Variants in SNTG1 observed in about 807,000 individuals in gnomAD.
SNTG1 encodes gamma-1-syntrophin.
A neutral mutation model predicts 74.7 loss-of-function variants in SNTG1; 39 were observed. The ratio of observed to expected loss-of-function variants is 0.52; its 90% CI spans 0.40 to 0.68. The LOEUF (loss-of-function observed/expected upper bound fraction) is 0.68, where lower values mean the gene tolerates loss of function less well. SNTG1 is among the 30% of genes least tolerant of loss of function. SNTG1 has a pLI of 0.00. For synonymous variants in SNTG1, 254 were observed against 217.1 expected, an observed-to-expected ratio of 1.17 and a Z score of -1.49; for missense variants, 685 against 609.5, an observed-to-expected ratio of 1.12 and a Z score of -1.30.
intron 1 of SNTG1, among the ~76,000 whole-genome samples, chr8:50,003,886 T>C (rs1036301883): frequency 2.0e-5 from 3 of 152,176 alleles, no homozygotes; most frequent in African/African-American, 7.2e-5. Context: ...AGTCTGTTAC[T>C]GGCCCAAAAC....
At chr8:50,326,189 A>G (rs10087774) in intron 2 of SNTG1, among the ~76,000 whole-genome samples, 9,920 of 151,940 alleles carry the variant, frequency 0.065, 352 homozygotes, top group African/African-American at 0.072. Flanking sequence ...TATTGTTTTT[A>G]TATTAGTGTA....
chr8:50,656,786 G>C, intron 13 of SNTG1, 123 bp from the exon 14 acceptor site: 1 of 641,986 alleles, frequency 1.6e-6, no homozygotes, highest in Admixed American at 3.2e-5. Flanking sequence ...AATTTTATGT[G>C]AGTTTTTAAT....
intron 8 of SNTG1, among the ~76,000 whole-genome samples, chr8:50,452,582 T>C (rs1442315214): frequency 6.6e-6 from 1 of 152,202 alleles, no homozygotes; most frequent in African/African-American, 2.4e-5. Context: ...AACAGATTAG[T>C]GCAGCATGAA....
rs202015879 is a variant in SNTG1 at position 50,632,292 on chromosome 8, T to TATTC, written c.850-24614_850-24613insCATT. Among the ~76,000 whole-genome samples the TATTC allele has an allele frequency of 2.6e-3, 386 of 148,422 alleles. 2 individuals carry two copies. Among genetic ancestry groups the TATTC allele is most frequent in the African/African-American group, 7.5e-3 (301 of 39,908 alleles). On this transcript the variant is annotated intron_variant, in intron 13 of 18. Coordinates refer to ENST00000642720, the MANE Select transcript of SNTG1 (RefSeq NM_018967.5). Reference sequence around the variant, plus strand: ...TTTTAATAGTCTTTTTAATTTTATTTATTTATTTATTTATTTATTTATTTA... The same window carrying TATTC: ...TTTTAATAGTCTTTTTAATTTTATTTATTCATTTATTTATTTATTTATTTATTTA...
At chr8:50,548,900 C>A in intron 11 of SNTG1, among the ~76,000 whole-genome samples, 1 of 152,140 alleles carries the variant, frequency 6.6e-6, no homozygotes, top group Non-Finnish European at 1.5e-5. Flanking sequence ...AAAATACAGC[C>A]TGAGGTGTGC....
intron 8 of SNTG1, among the ~76,000 whole-genome samples, chr8:50,464,843 T>C (rs1035506844): frequency 6.6e-6 from 1 of 151,648 alleles, no homozygotes; most frequent in East Asian, 1.9e-4. Context: ...TTAAATAATA[T>C]CTGAAAAAAG....
chr8:50,431,085 T>C (rs1393813444), intron 4 of SNTG1, among the ~76,000 whole-genome samples: 4 of 152,144 alleles, frequency 2.6e-5, no homozygotes, highest in African/African-American at 9.7e-5. Flanking sequence ...TAACATACAT[T>C]CGTAATGTAG....
chr8:50,002,819 TGTAATA>T (rs1463066836), intron 1 of SNTG1, among the ~76,000 whole-genome samples: 2 of 152,146 alleles, frequency 1.3e-5, no homozygotes, highest in Non-Finnish European at 1.5e-5. Context: ...CAACAGAATT[TGTAATA>T]GCCAAAAAAC....
intron 1 of SNTG1, among the ~76,000 whole-genome samples, chr8:49,981,651 T>A (rs1812688801): frequency 6.6e-6 from 1 of 152,206 alleles, no homozygotes; most frequent in African/African-American, 2.4e-5. Context: ...TTATAATAAA[T>A]GAATAAAAGT....
At chr8:50,160,839 A>G (rs1327033468) in intron 1 of SNTG1, among the ~76,000 whole-genome samples, 1 of 152,166 alleles carries the variant, frequency 6.6e-6, no homozygotes, top group Non-Finnish European at 1.5e-5. Flanking sequence ...TTGGGCATAG[A>G]ACATAGACTG....
At chr8:50,215,995 T>G (rs2084774527) in intron 2 of SNTG1, among the ~76,000 whole-genome samples, 1 of 152,202 alleles carries the variant, frequency 6.6e-6, no homozygotes, top group African/African-American at 2.4e-5. Flanking sequence ...AGGAATTTTT[T>G]TACAGAAAGC....
At chr8:50,620,912 T>C (rs891996572) in intron 13 of SNTG1, among the ~76,000 whole-genome samples, 5 of 152,124 alleles carry the variant, frequency 3.3e-5, no homozygotes, top group African/African-American at 1.2e-4. Flanking sequence ...TAGAGAGGCA[T>C]GGATGATAGA....
chr8:49,962,881 C>T (rs1322911070), intron 1 of SNTG1, among the ~76,000 whole-genome samples: 1 of 152,224 alleles, frequency 6.6e-6, no homozygotes, highest in African/African-American at 2.4e-5. Context: ...GCATGAGCCA[C>T]TGCGCCCAAC....
intron 1 of SNTG1, among the ~76,000 whole-genome samples, chr8:50,051,329 C>T (rs533291008): frequency 2.0e-5 from 3 of 150,388 alleles, no homozygotes; most frequent in South Asian, 2.1e-4. Context: ...CATATAAGAT[C>T]GAAGTTTAAA....
chr8:50,290,632 T>C (rs187816216), intron 2 of SNTG1, among the ~76,000 whole-genome samples: 66 of 152,346 alleles, frequency 4.3e-4, no homozygotes, highest in African/African-American at 1.5e-3. Context: ...TACTTTATTG[T>C]CCTTATTTAT....
intron 13 of SNTG1, among the ~76,000 whole-genome samples, chr8:50,620,580 G>C (rs1039055538): frequency 3.3e-5 from 5 of 152,066 alleles, no homozygotes; most frequent in African/African-American, 9.7e-5. Context: ...TATTTGCTGG[G>C]GTGCCTCAGA....
chr8:49,973,999 A>G (rs1401797722), intron 1 of SNTG1, among the ~76,000 whole-genome samples: 2 of 152,178 alleles, frequency 1.3e-5, no homozygotes, highest in African/African-American at 4.8e-5. Context: ...TTATGTCGTT[A>G]GAATGTTAGG....
At chr8:49,992,843 C>G (rs753262544) in intron 1 of SNTG1, among the ~76,000 whole-genome samples, 2 of 152,086 alleles carry the variant, frequency 1.3e-5, no homozygotes, top group Non-Finnish European at 2.9e-5. Context: ...AAAGCTTATT[C>G]TTAGTAAAGT....
At chr8:50,329,786 C>T (rs1387278378) in intron 2 of SNTG1, among the ~76,000 whole-genome samples, 1 of 152,090 alleles carries the variant, frequency 6.6e-6, no homozygotes, top group Non-Finnish European at 1.5e-5. Flanking sequence ...CAAATTTCTG[C>T]AGCTGGCTTG....
Sources: allele counts gnomAD v4.1 joint callset (sites outside exome capture counted in the v4.1 genomes callset), GRCh38; gene constraint gnomAD v4.1.1; transcripts MANE v1.5; gene names NCBI Gene and HGNC (gene_info 2026-07-23, HGNC 2026-07-21).